The following SUGCT variants were observed in gnomAD, a reference collection of about 807,000 sequenced individuals.
The protein encoded by SUGCT is succinyl-CoA:glutarate-CoA transferase, also known as succinyl-CoA:glutarate CoA-transferase.
SUGCT carries 41 observed loss-of-function variants against 55.0 expected under a neutral mutation model. The ratio of observed to expected loss-of-function variants is 0.74; its 90% confidence interval spans 0.58 to 0.97. The LOEUF (loss-of-function observed/expected upper bound fraction) is 0.97, where lower values mean the gene tolerates loss of function less well. Among genes scored for constraint, SUGCT ranks in the 50% least tolerant of loss-of-function variants. SUGCT has a pLI of 0.00. For missense variants in SUGCT, 568 were observed against 547.8 expected (o/e 1.04, Z -0.37); for synonymous variants, 187 against 200.4 (o/e 0.93, Z 0.56).
the SUGCT span, among the ~76,000 whole-genome samples, chr7:41,029,753 C>T: frequency 6.6e-6 from 1 of 152,114 alleles, no homozygotes; most frequent in Admixed American, 6.5e-5. Flanking sequence ...TATTATTACA[C>T]TATTATTAAC....
the SUGCT span, among the ~76,000 whole-genome samples, chr7:40,925,903 G>A: frequency 6.6e-6 from 1 of 152,076 alleles, no homozygotes; most frequent in South Asian, 2.1e-4. Context: ...AGACCAGCCT[G>A]GGCAACATGG....
chr7:40,562,866 G>A (rs1313306918), intron 12 of SUGCT, among the ~76,000 whole-genome samples: 2 of 152,184 alleles, frequency 1.3e-5, no homozygotes, highest in African/African-American at 2.4e-5. Flanking sequence ...ATTTTAAGAG[G>A]AAGAAAATGA....
intron 12 of SUGCT, among the ~76,000 whole-genome samples, chr7:40,591,016 C>A (rs1289818719): frequency 6.6e-6 from 1 of 152,044 alleles, no homozygotes; most frequent in Admixed American, 6.6e-5. Flanking sequence ...TGCCTACTGA[C>A]ACAGCATCCA....
chr7:40,523,783 A>C (rs1264046443), intron 12 of SUGCT, among the ~76,000 whole-genome samples: 2 of 152,002 alleles, frequency 1.3e-5, no homozygotes, highest in African/African-American at 2.4e-5. Context: ...TGTTTGCTGG[A>C]CTTTTTGTTC....
At chr7:40,595,316 A>G (rs963207691) in intron 12 of SUGCT, among the ~76,000 whole-genome samples, 11 of 152,058 alleles carry the variant, frequency 7.2e-5, no homozygotes, top group African/African-American at 2.7e-4. Context: ...CCTTCTTCCC[A>G]TTTGTGGAGC....
chr7:40,230,969 T>C (rs1341869493), intron 6 of SUGCT, among the ~76,000 whole-genome samples: 1 of 152,154 alleles, frequency 6.6e-6, no homozygotes, highest in Non-Finnish European at 1.5e-5. Context: ...TTGACAAAAG[T>C]CTAACAGAGT....
At position 40,179,697 on chromosome 7, in the gene SUGCT, C is replaced by T. The variant is rs1214016372; in HGVS notation, c.101-1250C>T. 4.6e-5 allele frequency among the ~76,000 whole-genome samples: 7 copies of T among 152,234 alleles called. No homozygotes were observed. In the East Asian group the frequency reaches 1.2e-3, roughly 25 times the overall value. On this transcript the variant is annotated intron_variant, in intron 1 of 13. Coordinates refer to ENST00000335693, the MANE Select transcript of SUGCT (RefSeq NM_001193313.2). ...TGGCTTCATCCAGATGTATGGGCCT[C>T]AGCCGGGACTGCTGCAATGATAGTC...
At chr7:41,007,663 A>T in the SUGCT span, among the ~76,000 whole-genome samples, 1 of 152,182 alleles carries the variant, frequency 6.6e-6, no homozygotes, top group African/African-American at 2.4e-5. Flanking sequence ...GGGATAATCA[A>T]TGAGTGAAAC....
At chr7:40,791,889 A>C (rs1474880274) in intron 13 of SUGCT, among the ~76,000 whole-genome samples, 1 of 152,142 alleles carries the variant, frequency 6.6e-6, no homozygotes. Flanking sequence ...GAATACTACA[A>C]ATACAGTAAC....
intron 12 of SUGCT, among the ~76,000 whole-genome samples, chr7:40,590,542 C>T (rs1401053563): frequency 6.6e-6 from 1 of 152,112 alleles, no homozygotes; most frequent in Non-Finnish European, 1.5e-5. Flanking sequence ...GCAAGTTATC[C>T]AGAAGATCTA....
chr7:40,230,925 A>T (rs1788686683), intron 6 of SUGCT, among the ~76,000 whole-genome samples: 1 of 152,196 alleles, frequency 6.6e-6, no homozygotes, highest in Non-Finnish European at 1.5e-5. Flanking sequence ...AAAGGGGATA[A>T]TTCATAGAGT....
chr7:40,357,421 GA>G (rs572306868), intron 9 of SUGCT, among the ~76,000 whole-genome samples: 2 of 152,128 alleles, frequency 1.3e-5, no homozygotes, highest in Non-Finnish European at 2.9e-5. Flanking sequence ...TATGCATTGG[GA>G]AGATTAAAAA....
intron 9 of SUGCT, among the ~76,000 whole-genome samples, chr7:40,364,739 A>G (rs976398569): frequency 2.6e-5 from 4 of 152,086 alleles, no homozygotes; most frequent in Non-Finnish European, 5.9e-5. Context: ...AAATAGACCA[A>G]TAACAGGCTC....
the SUGCT span, among the ~76,000 whole-genome samples, chr7:40,934,250 T>C: frequency 2.0e-5 from 3 of 152,220 alleles, no homozygotes; most frequent in Non-Finnish European, 2.9e-5. Context: ...CCTGTTTTCC[T>C]GGGTATCACC....
At chr7:40,360,520 A>G (rs1798102022) in intron 9 of SUGCT, among the ~76,000 whole-genome samples, 1 of 152,292 alleles carries the variant, frequency 6.6e-6, no homozygotes. Flanking sequence ...GCCCCTAAGC[A>G]GTTCACTTGC....
At chr7:40,161,336 A>G (rs1407274122) in intron 1 of SUGCT, among the ~76,000 whole-genome samples, 1 of 152,146 alleles carries the variant, frequency 6.6e-6, no homozygotes, top group Non-Finnish European at 1.5e-5. Flanking sequence ...TCCGTGTTAA[A>G]TATCTAAACT....
At chr7:40,422,405 T>G (rs1787357116) in intron 9 of SUGCT, among the ~76,000 whole-genome samples, 1 of 152,240 alleles carries the variant, frequency 6.6e-6, no homozygotes, top group Non-Finnish European at 1.5e-5. Flanking sequence ...CATGGAATCT[T>G]GTATAAAAAT....
rs556027411 is a variant in SUGCT at position 40,164,534 on chromosome 7, G to C, written c.101-16413G>C. On this transcript the variant is annotated intron_variant, in intron 1 of 13. Coordinates refer to ENST00000335693, the MANE Select transcript of SUGCT (RefSeq NM_001193313.2). ...TATTTACTTTATTAATGTAACAGAGGCTTCAGAAAATTAATATTAATTAGT... is the reference window on the plus strand; with the variant it reads ...TATTTACTTTATTAATGTAACAGAGCCTTCAGAAAATTAATATTAATTAGT... Among the ~76,000 whole-genome samples, 13 of 152,240 alleles carry C rather than the reference G, an allele frequency of 8.5e-5. No homozygotes were observed. The South Asian group carries it at 2.5e-3, about 29-fold the overall frequency.
At chr7:40,410,927 A>T (rs1786639527) in intron 9 of SUGCT, among the ~76,000 whole-genome samples, 1 of 152,218 alleles carries the variant, frequency 6.6e-6, no homozygotes, top group African/African-American at 2.4e-5. Context: ...GTCTAGGTTT[A>T]ATGAATTACA....
Sources: allele counts gnomAD v4.1 joint callset (sites outside exome capture counted in the v4.1 genomes callset), GRCh38; gene constraint gnomAD v4.1.1; transcripts MANE v1.5; gene names NCBI Gene and HGNC (gene_info 2026-07-23, HGNC 2026-07-21).